CDH19: variants seen among roughly 807,000 people sequenced by gnomAD.
CDH19 encodes cadherin 19, also known as cadherin-19.
CDH19 carries 67 observed loss-of-function variants against 64.2 expected under a neutral mutation model. The observed-to-expected ratio is 1.04, with a 90% CI of 0.86 to 1.28. The LOEUF is 1.28. CDH19 is among the 50% of genes most tolerant of loss of function. The pLI is 0.00. For missense variants in CDH19, 1,030 were observed against 929.0 expected, an observed-to-expected ratio of 1.11 and a Z score of -1.41; for synonymous variants, 346 against 319.3, an observed-to-expected ratio of 1.08 and a Z score of -0.89.
chr18:66,505,349 T>TATA (rs1286368724), intron 11 of CDH19, 47 bp from the exon 12 acceptor site: 2 of 1,398,672 alleles, frequency 1.4e-6, no homozygotes, highest in African/African-American at 2.9e-5. Flanking sequence ...TAAAGAGTAT[T>TATA]ATAAACATTA....
Position 66,529,840 on chromosome 18 carries a change from C to G in CDH19, c.1458+5G>C. ...TAGACTTTGTAATTTATAATGAGTCCTTACCTGACCAGAGCCTGCATTTTC... is the reference window on the plus strand; with the variant it reads ...TAGACTTTGTAATTTATAATGAGTCGTTACCTGACCAGAGCCTGCATTTTC... On this transcript the variant is annotated splice_donor_5th_base_variant and intron_variant, in intron 9 of 11. Coordinates refer to ENST00000262150, the MANE Select transcript of CDH19 (RefSeq NM_021153.4). 1 of 1,578,536 alleles carries G rather than the reference C, an allele frequency of 6.3e-7. No homozygotes were observed. Among genetic ancestry groups the G allele is most frequent in the Non-Finnish European group, 8.6e-7 (1 of 1,160,230 alleles).
intron 7 of CDH19, among the ~76,000 whole-genome samples, chr18:66,537,321 G>A (rs1986711762): frequency 6.6e-6 from 1 of 151,900 alleles, no homozygotes. Context: ...ATTTTAAAGA[G>A]CGTCTCTCAA....
Position 66,501,484 on chromosome 18 carries a change from G to A in CDH19, c.*3328C>T, listed in dbSNP as rs1204108157. ...GGAAGATTGCTTTAGTAACTGAGGA[G>A]GAGAGAGGAAAGAGGAGAAACTGCA... On this transcript the variant is annotated 3_prime_UTR_variant, in exon 12 of 12. Transcript: ENST00000262150. 1 of 152,102 alleles carries A rather than the reference G, an allele frequency of 6.6e-6. No homozygotes were observed. Among genetic ancestry groups the A allele is most frequent in the Admixed American group, 6.6e-5 (1 of 15,246 alleles). The allele number at this position is 152,102 out of a possible 1,614,324, so 9.4% of individuals were successfully genotyped here. A position where few individuals can be genotyped will look rare whatever the true frequency, so the allele number is the denominator to read the frequency against.
chr18:66,518,745 G>C (rs978766636), intron 9 of CDH19, among the ~76,000 whole-genome samples: 4 of 152,014 alleles, frequency 2.6e-5, no homozygotes, highest in African/African-American at 9.7e-5. Flanking sequence ...CAAATCTCTT[G>C]ACCGAAAATA....
At chr18:66,597,833 AT>A (rs1326948645) in intron 1 of CDH19, among the ~76,000 whole-genome samples, 1 of 152,148 alleles carries the variant, frequency 6.6e-6, no homozygotes, top group African/African-American at 2.4e-5. Flanking sequence ...CAACAAGCCT[AT>A]TAAAAAATGA....
chr18:66,513,651 G>A (rs1985598712), intron 9 of CDH19, among the ~76,000 whole-genome samples: 1 of 151,216 alleles, frequency 6.6e-6, no homozygotes, highest in Non-Finnish European at 1.5e-5. Flanking sequence ...AAAATTATAA[G>A]AAAAACTTCT....
intron 3 of CDH19, among the ~76,000 whole-genome samples, chr18:66,558,499 T>C (rs1376553734): frequency 6.6e-6 from 1 of 151,916 alleles, no homozygotes; most frequent in Admixed American, 6.6e-5. Flanking sequence ...GAGTAACTTG[T>C]ATTCGGCAGA....
chr18:66,532,634 G>C lies in CDH19; in HGVS notation c.1336+2352C>G, dbSNP rs1444734815. 1.7e-5 allele frequency: 7 copies of C among 408,522 alleles called. No individual in the cohort carries two copies. The East Asian group carries it at 4.5e-4, about 26-fold the overall frequency. 25.3% of individuals were successfully genotyped at this position (408,522 alleles called of 1,614,324 possible). ...TCAACAAGTTTCTTGGAAGCTTTAG[G>C]ATCCAGGATTGTATTTATCAAGTAA... is the stretch of plus-strand genomic sequence containing the variant. On this transcript the variant is annotated intron_variant, in intron 8 of 11. Coordinates refer to ENST00000262150, the MANE Select transcript of CDH19 (RefSeq NM_021153.4).
intron 9 of CDH19, among the ~76,000 whole-genome samples, chr18:66,516,731 A>G (rs1985756173): frequency 1.3e-5 from 2 of 152,076 alleles, no homozygotes; most frequent in South Asian, 4.1e-4. Context: ...GTTTGATTTT[A>G]CAGGAACATC....
intron 7 of CDH19, among the ~76,000 whole-genome samples, chr18:66,541,060 T>C (rs1294631312): frequency 6.6e-6 from 1 of 152,154 alleles, no homozygotes; most frequent in Non-Finnish European, 1.5e-5. Context: ...AATTGACATG[T>C]AGTTTGTTAT....
At chr18:66,508,961 G>A (rs746532503) in intron 11 of CDH19, 34 bp downstream of exon 11, 1 of 1,590,942 alleles carries the variant, frequency 6.3e-7, no homozygotes, top group South Asian at 1.1e-5. Context: ...TGATCATAAT[G>A]CAAATGAGAA....
At chr18:66,522,377 G>C (rs1008816418) in intron 9 of CDH19, among the ~76,000 whole-genome samples, 7 of 152,054 alleles carry the variant, frequency 4.6e-5, no homozygotes, top group African/African-American at 1.7e-4. Flanking sequence ...CAAGCTGCTG[G>C]GTTTACAAGC....
chr18:66,508,756 A>ACACTCACG (rs75179849), intron 11 of CDH19, among the ~76,000 whole-genome samples: 1 of 151,716 alleles, frequency 6.6e-6, no homozygotes, highest in Non-Finnish European at 1.5e-5. Flanking sequence ...GTGTACATAC[A>ACACTCACG]TACTCATACA....
At chr18:66,536,931 C>A (rs143875640) in intron 7 of CDH19, among the ~76,000 whole-genome samples, 3,309 of 151,668 alleles carry the variant, frequency 0.022, 51 homozygotes, top group Admixed American at 0.035. Flanking sequence ...TAGATATGTA[C>A]CATCATGACC....
At chr18:66,581,985 T>A (rs1988435191) in intron 1 of CDH19, among the ~76,000 whole-genome samples, 1 of 152,136 alleles carries the variant, frequency 6.6e-6, no homozygotes, top group Non-Finnish European at 1.5e-5. Context: ...TAAACAAATG[T>A]ATTCATAACT....
chr18:66,573,477 G>A (rs754047788), intron 1 of CDH19, among the ~76,000 whole-genome samples: 2 of 151,550 alleles, frequency 1.3e-5, no homozygotes, highest in African/African-American at 2.4e-5. Context: ...CTTAATGAAG[G>A]TCATAGAGAA....
chr18:66,584,277 A>G (rs1195316629), intron 1 of CDH19, among the ~76,000 whole-genome samples: 1 of 152,082 alleles, frequency 6.6e-6, no homozygotes, highest in Non-Finnish European at 1.5e-5. Flanking sequence ...GAGGAATGAA[A>G]ATCAAAAGTA....
intron 6 of CDH19, 84 bp downstream of exon 6, chr18:66,544,635 A>T: frequency 1.2e-6 from 1 of 843,352 alleles, no homozygotes; most frequent in Non-Finnish European, 1.7e-6. Context: ...TTATTTAATG[A>T]GTTAAAAACT....
intron 8 of CDH19, among the ~76,000 whole-genome samples, chr18:66,534,434 C>G (rs1450816653): frequency 6.6e-6 from 1 of 151,862 alleles, no homozygotes; most frequent in Non-Finnish European, 1.5e-5. Flanking sequence ...AGAAAGGAAA[C>G]AGGATTATTA....
Sources: gnomAD v4.1 joint callset for allele counts (sites outside exome capture counted in the v4.1 genomes callset) on GRCh38, gnomAD v4.1.1 for gene constraint, MANE v1.5 for transcripts, NCBI Gene and HGNC (gene_info 2026-07-23, HGNC 2026-07-21) for gene names.